PHKB: variants seen among roughly 807,000 people sequenced by gnomAD.
The protein encoded by PHKB is phosphorylase b kinase regulatory subunit beta.
PHKB carries 122 observed loss-of-function variants against 152.1 expected under a neutral mutation model. The ratio of observed to expected loss-of-function variants is 0.80; its 90% CI spans 0.69 to 0.93. The LOEUF (loss-of-function observed/expected upper bound fraction) is 0.93. PHKB is among the 40% of genes least tolerant of loss of function. PHKB has a pLI of 0.00. For synonymous variants in PHKB, 436 were observed against 464.9 expected (o/e 0.94, Z 0.80); for missense variants, 1,304 against 1,328.4 (o/e 0.98, Z 0.29).
chr16:47,603,498 A>G (rs1411729603), intron 13 of PHKB, among the ~76,000 whole-genome samples: 1 of 147,174 alleles, frequency 6.8e-6, no homozygotes, highest in Non-Finnish European at 1.5e-5. Flanking sequence ...TAAATAACTG[A>G]CTTTCTTTTT....
chr16:47,511,004 G>A (rs1045522481), intron 4 of PHKB, among the ~76,000 whole-genome samples: 4 of 152,132 alleles, frequency 2.6e-5, no homozygotes, highest in Non-Finnish European at 5.9e-5. Context: ...AAAGAAATGG[G>A]TGGATTTTTT....
At chr16:47,498,764 TG>T (rs1304552231) in intron 2 of PHKB, among the ~76,000 whole-genome samples, 1 of 152,126 alleles carries the variant, frequency 6.6e-6, no homozygotes, top group Non-Finnish European at 1.5e-5. Flanking sequence ...TAGCCTGGCA[TG>T]GTGGCGATTG....
At chr16:47,612,589 G>A (rs1334739358) in intron 14 of PHKB, among the ~76,000 whole-genome samples, 3 of 152,174 alleles carry the variant, frequency 2.0e-5, no homozygotes, top group African/African-American at 7.2e-5. Flanking sequence ...TGCTGCTACT[G>A]AATTATCTGT....
At position 47,653,587 on chromosome 16, in the gene PHKB, A is replaced by G. The variant is rs375357385; in HGVS notation, c.1971+2666A>G. 9.2e-5 allele frequency among the ~76,000 whole-genome samples: 14 copies of G among 152,330 alleles called. No individual in the cohort carries two copies. The East Asian group carries it at 2.5e-3, about 27-fold the overall frequency. Reference sequence around the variant, plus strand: ...TCATTTTTGGGATTTTAGGAAAAACAGGAGTTAAAGATATGTCTTGGTCAT... The same window carrying G: ...TCATTTTTGGGATTTTAGGAAAAACGGGAGTTAAAGATATGTCTTGGTCAT... On this transcript the variant is annotated intron_variant, in intron 20 of 30. Coordinates refer to ENST00000323584, the MANE Select transcript of PHKB (RefSeq NM_000293.3).
At chr16:47,535,150 A>C (rs1428164692) in intron 6 of PHKB, among the ~76,000 whole-genome samples, 7 of 152,256 alleles carry the variant, frequency 4.6e-5, no homozygotes, top group Non-Finnish European at 7.3e-5. Context: ...TACAAGACAC[A>C]GGGGAGAAGA....
intron 10 of PHKB, among the ~76,000 whole-genome samples, chr16:47,593,164 GGAGAGGGAGAGAGAGA>G (rs1418822702): frequency 3.8e-5 from 5 of 131,214 alleles, no homozygotes; most frequent in Non-Finnish European, 7.1e-5. Flanking sequence ...AAGAAGAAAG[GGAGAGGGAGAGAGAGA>G]GAGAGGGAGG....
intron 14 of PHKB, among the ~76,000 whole-genome samples, chr16:47,625,842 G>A (rs1387828829): frequency 2.0e-5 from 3 of 151,804 alleles, no homozygotes; most frequent in Non-Finnish European, 2.9e-5. Flanking sequence ...TTTTATCTTC[G>A]AGAACAGCTC....
intron 24 of PHKB, among the ~76,000 whole-genome samples, chr16:47,664,571 C>T (rs1447861327): frequency 2.0e-5 from 3 of 152,076 alleles, no homozygotes; most frequent in Admixed American, 1.3e-4. Flanking sequence ...TGCCGTTCCT[C>T]CTCAGAAGAA....
At chr16:47,612,480 C>G (rs1972446208) in intron 14 of PHKB, among the ~76,000 whole-genome samples, 1 of 152,180 alleles carries the variant, frequency 6.6e-6, no homozygotes. Flanking sequence ...AACTCTTTCT[C>G]TCCTGCTCAA....
intron 4 of PHKB, among the ~76,000 whole-genome samples, chr16:47,509,536 C>T (rs947731616): frequency 1.3e-5 from 2 of 152,288 alleles, no homozygotes; most frequent in South Asian, 2.1e-4. Context: ...CCATATTACT[C>T]TTGAGCAATA....
chr16:47,645,754 A>G (rs1311113486), intron 16 of PHKB, among the ~76,000 whole-genome samples: 1 of 150,864 alleles, frequency 6.6e-6, no homozygotes, highest in Non-Finnish European at 1.5e-5. Context: ...GAAGACATTT[A>G]TGCAGCCAAA....
In PHKB at chr16:47,700,304, C is replaced by T. The variant is rs972016247; in HGVS notation, c.*938C>T. 2 of 148,738 alleles carry T rather than the reference C, an allele frequency of 1.3e-5. No homozygotes were observed. The highest frequency in any genetic ancestry group is 1.3e-4 in the Admixed American group (2 of 14,822). 9.2% of individuals were successfully genotyped at this position (148,738 alleles called of 1,614,324 possible). A position where few individuals can be genotyped will look rare whatever the true frequency, so the allele number is the denominator to read the frequency against. On this transcript the variant is annotated 3_prime_UTR_variant, in exon 31 of 31. Transcript: ENST00000323584. ...ACGGAGGTTGCAGTGAGCTGAAATC[C>T]TGCCACTGCACACCAGCCTGGGTGA...
intron 7 of PHKB, chr16:47,548,037 C>T (rs887843394): frequency 3.6e-5 from 6 of 165,914 alleles, no homozygotes; most frequent in Admixed American, 1.8e-4. Context: ...GTGTGATCAA[C>T]ATCTTGAGCT....
chr16:47,690,503 G>T (rs561272813), intron 27 of PHKB, among the ~76,000 whole-genome samples: 4 of 152,224 alleles, frequency 2.6e-5, no homozygotes, highest in African/African-American at 9.6e-5. Flanking sequence ...ATGCCACAAA[G>T]AGCTTATAAC....
intron 7 of PHKB, among the ~76,000 whole-genome samples, chr16:47,559,685 A>G (rs1971443147): frequency 6.6e-6 from 1 of 152,190 alleles, no homozygotes; most frequent in Admixed American, 6.5e-5. Flanking sequence ...AATCCCAGGC[A>G]GAGAGTTAGG....
Position 47,645,787 on chromosome 16 carries a change from C to G in PHKB, c.1609-2746C>G, listed in dbSNP as rs568062671. On this transcript the variant is annotated intron_variant, in intron 16 of 30. Coordinates refer to ENST00000323584, the MANE Select transcript of PHKB (RefSeq NM_000293.3). ...AAAAAACACATGAAGAAATGCTCATCATCACTGGCCATCAGAGAAATGCAA... is the reference window on the plus strand; with the variant it reads ...AAAAAACACATGAAGAAATGCTCATGATCACTGGCCATCAGAGAAATGCAA... Among the ~76,000 whole-genome samples the G allele has an allele frequency of 2.2e-4, 32 of 144,820 alleles. No individual in the cohort carries two copies. The South Asian group carries it at 6.9e-3, about 31-fold the overall frequency.
At chr16:47,646,476 C>T (rs112688808) in intron 16 of PHKB, among the ~76,000 whole-genome samples, 1 of 115,900 alleles carries the variant, frequency 8.6e-6, no homozygotes, top group Admixed American at 9.6e-5. Context: ...CACATGTATA[C>T]ATATGTAACT....
intron 6 of PHKB, among the ~76,000 whole-genome samples, chr16:47,535,569 A>G (rs1970937749): frequency 6.6e-6 from 1 of 152,166 alleles, no homozygotes; most frequent in Non-Finnish European, 1.5e-5. Context: ...AGAGTTAAAT[A>G]ATTGTTTGCT....
chr16:47,567,065 A>C lies in PHKB; in HGVS notation c.711-13230A>C, dbSNP rs1485683679. ...CTTCTTTTTGCTTTGGATTACTTTG[A>C]CTATTCAGGATGGTTTTTGGTTGCA... On this transcript the variant is annotated intron_variant, in intron 7 of 30. Transcript: ENST00000323584. Among the ~76,000 whole-genome samples the C allele has an allele frequency of 2.0e-5, 3 of 152,044 alleles. No homozygotes were observed. The East Asian group carries it at 5.8e-4, about 29-fold the overall frequency.
Sources: allele counts gnomAD v4.1 joint callset (sites outside exome capture counted in the v4.1 genomes callset), GRCh38; gene constraint gnomAD v4.1.1; transcripts MANE v1.5; gene names NCBI Gene and HGNC (gene_info 2026-07-23, HGNC 2026-07-21).